RAD21L1: variants seen among roughly 807,000 people sequenced by gnomAD.
The protein encoded by RAD21L1 is RAD21 cohesin complex component like 1.
A neutral mutation model predicts 69.0 loss-of-function variants in RAD21L1; 47 were observed. The observed-to-expected ratio is 0.68, with a 90% confidence interval of 0.54 to 0.87. The LOEUF is 0.87. Ranked by LOEUF, RAD21L1 falls within the 40% of genes least tolerant of loss-of-function variation. The pLI, the probability that RAD21L1 is intolerant of heterozygous loss-of-function variation, is 0.00. For synonymous variants in RAD21L1, 177 were observed against 205.8 expected (o/e 0.86, Z 1.20); for missense variants, 583 against 647.6 (o/e 0.90, Z 1.08).
chr20:1,242,237 T>G, intron 8 of RAD21L1, among the ~76,000 whole-genome samples: 1 of 152,186 alleles, frequency 6.6e-6, no homozygotes. Flanking sequence ...GGTAGAAATT[T>G]CTTTTCTCTT....
At chr20:1,242,526 C>T in intron 8 of RAD21L1, 93 bp from the exon 9 acceptor site, 2 of 972,010 alleles carry the variant, frequency 2.1e-6, no homozygotes, top group Admixed American at 2.0e-5. Context: ...AGCCACCGTG[C>T]CTGGCTTAGA....
Position 1,229,956 on chromosome 20 carries a change from T to C in RAD21L1, c.221T>C (p.Leu74Pro). ...VRIYNRKAKY[L>P]LADCSEAFLK... Reference sequence around the variant, plus strand: ...ATCTATAACAGGAAGGCAAAATATCTTTTGGCAGATTGCAGTGAAGCATTT... The same window carrying C: ...ATCTATAACAGGAAGGCAAAATATCCTTTGGCAGATTGCAGTGAAGCATTT... Residue 74 changes from leucine (L) to proline (P), a missense_variant, in exon 3 of 14, where the codon CTT (leucine) becomes CCT (proline). Coordinates refer to ENST00000683101, the MANE Select transcript of RAD21L1 (RefSeq NM_001384355.1). 1 of 1,551,036 alleles carries C rather than the reference T, an allele frequency of 6.4e-7. No homozygotes were observed. The highest frequency in any genetic ancestry group is 8.7e-7 in the Non-Finnish European group (1 of 1,146,240).
chr20:1,243,466 C>G (rs1468324893), intron 10 of RAD21L1, among the ~76,000 whole-genome samples: 1 of 152,148 alleles, frequency 6.6e-6, no homozygotes, highest in Non-Finnish European at 1.5e-5. Context: ...CTACCTCCTT[C>G]ACTCCCAAAG....
At chr20:1,243,223 TGAG>T in intron 10 of RAD21L1, 27 bp downstream of exon 10, 1 of 1,177,024 alleles carries the variant, frequency 8.5e-7, no homozygotes, top group Non-Finnish European at 1.2e-6. Flanking sequence ...CTGTTGATGT[TGAG>T]GGGAATGCTG....
intron 7 of RAD21L1, among the ~76,000 whole-genome samples, chr20:1,239,753 C>T (rs1452736182): frequency 6.6e-6 from 1 of 152,112 alleles, no homozygotes; most frequent in African/African-American, 2.4e-5. Context: ...AGGATATTTT[C>T]CCTATTTGAA....
chr20:1,253,535 G>A (rs567279738), intron 13 of RAD21L1, among the ~76,000 whole-genome samples: 1 of 152,160 alleles, frequency 6.6e-6, no homozygotes. Context: ...GACTGCAAGC[G>A]ATCTGCCCTC....
At chr20:1,243,588 A>C (rs1600226695) in intron 10 of RAD21L1, among the ~76,000 whole-genome samples, 1 of 152,206 alleles carries the variant, frequency 6.6e-6, no homozygotes, top group Admixed American at 6.5e-5. Flanking sequence ...CACTTAATAC[A>C]CTTAACCTGA....
rs370657093 is a variant in RAD21L1, at chr20:1,232,923, A to C, written c.369-1162A>C. ...ATTAGGTCATAAGGGCTCCACCATC[A>C]TAAGTGAGATTAGTTCCCTTATAAA... On this transcript the variant is annotated intron_variant, in intron 4 of 13. Transcript: ENST00000683101. 8.5e-5 allele frequency among the ~76,000 whole-genome samples: 13 copies of C among 152,314 alleles called. No homozygotes were observed. The East Asian group carries it at 1.2e-3, about 14-fold the overall frequency.
At chr20:1,238,542 A>G (rs1337265586) in intron 6 of RAD21L1, among the ~76,000 whole-genome samples, 1 of 151,966 alleles carries the variant, frequency 6.6e-6, no homozygotes, top group Non-Finnish European at 1.5e-5. Flanking sequence ...ACTGGAAAAC[A>G]TTGTTTTCTT....
chr20:1,233,544 T>A (rs185702996), intron 4 of RAD21L1, among the ~76,000 whole-genome samples: 32 of 152,328 alleles, frequency 2.1e-4, no homozygotes, highest in African/African-American at 7.7e-4. Flanking sequence ...AATAGAAATT[T>A]AGTTATCATC....
At chr20:1,226,933 G>A (rs2087275720) in intron 1 of RAD21L1, among the ~76,000 whole-genome samples, 1 of 152,084 alleles carries the variant, frequency 6.6e-6, no homozygotes, top group Non-Finnish European at 1.5e-5. Context: ...TTTTTGAGAC[G>A]GAGTCGCCCT....
chr20:1,239,193 C>T (rs1337937261), intron 6 of RAD21L1, 119 bp from the exon 7 acceptor site: 1 of 598,980 alleles, frequency 1.7e-6, no homozygotes, highest in Non-Finnish European at 2.9e-6. Flanking sequence ...TTCTCTAGTT[C>T]ACATTAAAGA....
intron 3 of RAD21L1, chr20:1,230,858 TGTTAGGCTCTGGGATATAAAGACAAA>T: frequency 3.6e-6 from 1 of 274,108 alleles, no homozygotes; most frequent in South Asian, 1.4e-4. Flanking sequence ...CCAAACACTA[TGTTAGGCTCTGGGATATAAAGACAAA>T]CAAGATAAAT....
At chr20:1,234,009 C>A in intron 4 of RAD21L1, 76 bp from the exon 5 acceptor site, 1 of 672,892 alleles carries the variant, frequency 1.5e-6, no homozygotes, top group Non-Finnish European at 2.6e-6. Flanking sequence ...TTAGTTTCTT[C>A]ACTATATCAA....
chr20:1,226,110 G>A lies in RAD21L1; in HGVS notation c.-63G>A, dbSNP rs1338006393. The A allele has an allele frequency of 7.0e-6, 1 of 143,434 alleles. No individual in the cohort carries two copies. The highest frequency in any genetic ancestry group is 1.5e-5 in the Non-Finnish European group (1 of 66,392). 8.9% of individuals were successfully genotyped at this position (143,434 alleles called of 1,614,324 possible). Reference sequence around the variant, plus strand: ...GGCGACTCCTCGCAGCCCCTGCTCTGGCACGCCACACCTCAGACGAGGCTT... The same window carrying A: ...GGCGACTCCTCGCAGCCCCTGCTCTAGCACGCCACACCTCAGACGAGGCTT... On this transcript the variant is annotated 5_prime_UTR_variant, in exon 1 of 14. Transcript: ENST00000683101.
chr20:1,245,436 A>G (rs944202965), intron 11 of RAD21L1, among the ~76,000 whole-genome samples: 1 of 152,210 alleles, frequency 6.6e-6, no homozygotes, highest in Non-Finnish European at 1.5e-5. Flanking sequence ...AAATATGTAT[A>G]TTAAATAATA....
Position 1,237,873 on chromosome 20 carries a change from A to G in RAD21L1, c.476-171A>G, listed in dbSNP as rs184526004. ...GCATTAGACTAAAAATCATGTCTCT[A>G]CTGATTGAGTGACCTTAGTTGAATA... On this transcript the variant is annotated intron_variant, in intron 5 of 13. Transcript: ENST00000683101. 3.0e-3 allele frequency among the ~76,000 whole-genome samples: 452 copies of G among 152,298 alleles called. 4 individuals carry two copies. The highest frequency in any genetic ancestry group is 0.01 in the African/African-American group (435 of 41,564).
chr20:1,246,853 G>A lies in RAD21L1; in HGVS notation c.1401+548G>A, dbSNP rs545016342. Among the ~76,000 whole-genome samples, 11 of 152,120 alleles carry A rather than the reference G, an allele frequency of 7.2e-5. No homozygotes were observed. The East Asian group carries it at 1.7e-3, about 24-fold the overall frequency. ...TTCCCTGACTCCCTGCTTATTAACT[G>A]TCTTATTTCTCTGGTATTATCCCAG... is the stretch of plus-strand genomic sequence containing the variant. On this transcript the variant is annotated intron_variant, in intron 12 of 13. Coordinates refer to ENST00000683101, the MANE Select transcript of RAD21L1 (RefSeq NM_001384355.1). This position sits in a 1 kb window ranked among gnomAD's most constrained non-coding sequence, Gnocchi z 4.6.
At position 1,238,168 on chromosome 20, in the gene RAD21L1, C is replaced by T. The variant is rs2087538185; in HGVS notation, c.600C>T (p.Asp200=). The T allele has an allele frequency of 1.3e-6, 2 of 1,537,012 alleles. No individual in the cohort carries two copies. The highest frequency in any genetic ancestry group is 1.8e-6 in the Non-Finnish European group (2 of 1,137,622). The stretch of plus-strand genomic sequence containing the variant: ...CTGGAGAACGATCTCTATTCTATGA[C>T]AGTGGAGATGGGTTTGGAGATGAAG... ...SLTGERSLFY[D]SGDGFGDEGA... Residue 200 remains aspartate, a synonymous_variant, in exon 6 of 14, where the codon GAC becomes GAT. Coordinates refer to ENST00000683101, the MANE Select transcript of RAD21L1 (RefSeq NM_001384355.1).
Sources: allele counts gnomAD v4.1 joint callset (sites outside exome capture counted in the v4.1 genomes callset), GRCh38; gene constraint gnomAD v4.1.1; non-coding constraint Gnocchi (gnomAD v3.1); transcripts MANE v1.5; gene names NCBI Gene and HGNC (gene_info 2026-07-23, HGNC 2026-07-21).